The following NFATC2 variants were observed in gnomAD, a reference collection of about 807,000 sequenced individuals.
NFATC2 encodes the protein nuclear factor of activated T-cells, cytoplasmic 2.
NFATC2 carries 22 observed loss-of-function variants against 87.3 expected under a neutral mutation model. The ratio of observed to expected loss-of-function variants is 0.25; its 90% CI spans 0.18 to 0.36. The LOEUF is 0.36. Ranked by LOEUF, NFATC2 falls within the 10% of genes least tolerant of loss-of-function variation. NFATC2 has a pLI of 1.00. For missense variants in NFATC2, 1,149 were observed against 1,259.1 expected (o/e 0.91, Z 1.32); for synonymous variants, 565 against 542.2 (o/e 1.04, Z -0.58).
chr20:51,391,039 T>A lies in NFATC2; in HGVS notation c.*457A>T, dbSNP rs1357142952. The A allele has an allele frequency of 2.4e-6, 1 of 408,828 alleles. No individual in the cohort carries two copies. The highest frequency in any genetic ancestry group is 4.7e-6 in the Non-Finnish European group (1 of 214,582). The allele number at this position is 408,828 out of a possible 1,614,324, so 25.3% of individuals were successfully genotyped here. A position where few individuals can be genotyped will look rare whatever the true frequency, so the allele number is the denominator to read the frequency against. On this transcript the variant is annotated 3_prime_UTR_variant, in exon 11 of 11. Transcript: ENST00000371564. ...GGGGTTTAATCACAGTGCCCACATC[T>A]TCTGTCCCCCGTCCATCCCCCCAAG...
chr20:51,429,306 G>T (rs1982334416), intron 9 of NFATC2, among the ~76,000 whole-genome samples: 1 of 152,384 alleles, frequency 6.6e-6, no homozygotes, highest in East Asian at 1.9e-4. Context: ...GGGTCCTGGG[G>T]TGGGCAGAGC....
At chr20:51,556,870 T>C (rs769885723) in intron 1 of NFATC2, among the ~76,000 whole-genome samples, 1 of 152,104 alleles carries the variant, frequency 6.6e-6, no homozygotes, top group Non-Finnish European at 1.5e-5. Context: ...TCCATTGTGA[T>C]AGAGAGCCAG....
chr20:51,519,891 G>C (rs762656855), intron 2 of NFATC2, among the ~76,000 whole-genome samples: 9 of 151,038 alleles, frequency 6.0e-5, no homozygotes, highest in Non-Finnish European at 1.0e-4. Context: ...ATTCTAGCCT[G>C]GGTGACAGAG....
At chr20:51,444,132 C>A (rs228833) in intron 6 of NFATC2, among the ~76,000 whole-genome samples, 94,910 of 151,676 alleles carry the variant, frequency 0.63, 31,731 homozygotes, top group Non-Finnish European at 0.74. Flanking sequence ...CAGGCACATG[C>A]CACCACGGCC....
At position 51,562,545 on chromosome 20, in the gene NFATC2, T is replaced by C. The variant is rs1392046634; in HGVS notation, c.70+15A>G. The C allele has an allele frequency of 1.3e-6, 2 of 1,548,750 alleles. No homozygotes were observed. Among genetic ancestry groups the C allele is most frequent in the South Asian group, 2.4e-5 (2 of 83,776 alleles). On this transcript the variant is annotated intron_variant, in intron 1 of 10. Coordinates refer to the NFATC2 transcript ENST00000414705. The surrounding 1 kb of genome is among the most constrained non-coding windows in gnomAD (Gnocchi z 5.8). ...AGCGAGCGGAAAAGGCTGGAAGGGA[T>C]CGAGAGTCAGTTACCTTGGTCCACA...
At chr20:51,412,441 G>C (rs542971527) in intron 9 of NFATC2, among the ~76,000 whole-genome samples, 1 of 152,202 alleles carries the variant, frequency 6.6e-6, no homozygotes, top group Non-Finnish European at 1.5e-5. Context: ...TTCTCCACAC[G>C]GGCCAGGGGG....
intron 3 of NFATC2, among the ~76,000 whole-genome samples, chr20:51,496,722 T>C (rs1200152533): frequency 6.6e-6 from 1 of 152,172 alleles, no homozygotes; most frequent in Non-Finnish European, 1.5e-5. Flanking sequence ...AGCCAATAAG[T>C]GGCAGAACCA....
chr20:51,418,951 A>ACCG (rs1555873321), intron 9 of NFATC2, among the ~76,000 whole-genome samples: 1 of 145,876 alleles, frequency 6.9e-6, no homozygotes, highest in African/African-American at 2.7e-5. Context: ...GGCGTGAGCC[A>ACCG]CCCCCACCGC....
chr20:51,542,736 C>A, upstream of NFATC2: 1 of 428,330 alleles, frequency 2.3e-6, no homozygotes, highest in Non-Finnish European at 2.8e-6. Flanking sequence ...GCACCTGTTG[C>A]AGCCCGGGGA....
At chr20:51,408,553 CA>C (rs376529840) in intron 9 of NFATC2, among the ~76,000 whole-genome samples, 9 of 148,796 alleles carry the variant, frequency 6.0e-5, no homozygotes, top group African/African-American at 2.2e-4. Flanking sequence ...GAAAGAGGCC[CA>C]CACTTACATG....
Position 51,484,388 on chromosome 20 carries a change from C to T in NFATC2, c.1333-8728G>A, listed in dbSNP as rs1020577239. 3.3e-5 allele frequency among the ~76,000 whole-genome samples: 5 copies of T among 152,180 alleles called. No individual in the cohort carries two copies. The East Asian group carries it at 5.8e-4, about 18-fold the overall frequency. On this transcript the variant is annotated intron_variant, in intron 3 of 10. Transcript: ENST00000371564. The stretch of plus-strand genomic sequence containing the variant: ...GCCTTAAGTTGCATCATCCACCTGA[C>T]GCTTCCCTCCACCTGACCCCACATG...
Position 51,432,153 on chromosome 20 carries a change from G to A in NFATC2, c.2636C>T (p.Pro879Leu), listed in dbSNP as rs753841433. Residue 879 changes from proline to leucine, a missense_variant, in exon 9 of 11, where the codon CCC (proline) becomes CTC (leucine). This residue lies in a region of NFATC2 where 581 missense variants were observed against 649.7 expected (regional missense o/e 0.89). Coordinates refer to ENST00000371564, the MANE Select transcript of NFATC2 (RefSeq NM_012340.5). This position sits in a 1 kb window ranked among gnomAD's most constrained non-coding sequence, Gnocchi z 4.6. ...ATSQRAAKNG[P>L]PVSDQKEVLP... ...TACTTCCTTTTGGTCACTGACCGGG[G>A]GTCCGTTTTTGGCGGCTCTTTGGCT... The A allele has an allele frequency of 1.2e-5, 19 of 1,601,068 alleles. No homozygotes were observed. The South Asian group carries it at 1.8e-4, about 15-fold the overall frequency.
At chr20:51,427,689 C>T (rs559101711) in intron 9 of NFATC2, among the ~76,000 whole-genome samples, 27 of 152,296 alleles carry the variant, frequency 1.8e-4, no homozygotes, top group African/African-American at 6.0e-4. Flanking sequence ...CCGCCACCTG[C>T]GTTCCCTCTC....
At chr20:51,525,851 C>G (rs1294592646) in intron 1 of NFATC2, among the ~76,000 whole-genome samples, 2 of 151,946 alleles carry the variant, frequency 1.3e-5, no homozygotes, top group Admixed American at 6.6e-5. Flanking sequence ...TCAAAACCTA[C>G]TATAAAGGCT....
rs190868055 is a variant in NFATC2, at chr20:51,511,395, G to A, written c.1332+5389C>T. 3.2e-3 allele frequency among the ~76,000 whole-genome samples: 487 copies of A among 152,326 alleles called. 1 individual carries two copies. The highest frequency in any genetic ancestry group is 9.0e-3 in the African/African-American group (375 of 41,572). On this transcript the variant is annotated intron_variant, in intron 3 of 10. Transcript: ENST00000371564. ...AAGTGGGTGCTTGCTGGGGCCTCTG[G>A]TGATGCAGCGTGTGGCCCCGAGGCA...
intron 9 of NFATC2, among the ~76,000 whole-genome samples, chr20:51,420,465 T>C (rs1459940081): frequency 6.6e-6 from 1 of 152,188 alleles, no homozygotes; most frequent in Non-Finnish European, 1.5e-5. Context: ...AACCTCATCA[T>C]GGAGATATAA....
intron 1 of NFATC2, among the ~76,000 whole-genome samples, chr20:51,540,663 T>TGTTTGTTTG (rs1555818355): frequency 2.9e-5 from 4 of 135,692 alleles, no homozygotes; most frequent in South Asian, 2.3e-4. Context: ...TTTTTGTTTT[T>TGTTTGTTTG]TTTTTTTTGA....
chr20:51,398,920 T>C, intron 9 of NFATC2, 190 bp from the exon 10 acceptor site: 1 of 579,352 alleles, frequency 1.7e-6, no homozygotes, highest in Non-Finnish European at 3.1e-6. Flanking sequence ...AGGGTAATAA[T>C]CATGGAGATG....
At chr20:51,553,636 AC>A (rs1161572828) in intron 1 of NFATC2, among the ~76,000 whole-genome samples, 1 of 143,552 alleles carries the variant, frequency 7.0e-6, no homozygotes, top group African/African-American at 2.6e-5. Context: ...AGATCATGCC[AC>A]TGCACTCCAG....
Sources: gnomAD v4.1 joint callset for allele counts (sites outside exome capture counted in the v4.1 genomes callset) on GRCh38, gnomAD v4.1.1 for gene constraint, gnomAD v4.1.1 regional missense constraint, Gnocchi (gnomAD v3.1) non-coding constraint, MANE v1.5 for transcripts, NCBI Gene and HGNC (gene_info 2026-07-23, HGNC 2026-07-21) for gene names.